The following IRAG1 variants were observed in gnomAD, a reference collection of about 807,000 sequenced individuals.
IRAG1 encodes the protein IP3R-associated cGMP kinase substrate.
IRAG1 carries 62 observed loss-of-function variants against 106.2 expected under a neutral mutation model. The ratio of observed to expected loss-of-function variants is 0.58; its 90% CI spans 0.48 to 0.72. IRAG1 has a LOEUF of 0.72. Ranked by LOEUF, IRAG1 falls within the 30% of genes least tolerant of loss-of-function variation. The pLI is 0.00. For synonymous variants in IRAG1, 462 were observed against 443.9 expected (o/e 1.04, Z -0.51); for missense variants, 1,064 against 1,140.7 (o/e 0.93, Z 0.97).
At chr11:10,653,617 A>C (rs1380048217) in intron 1 of IRAG1, among the ~76,000 whole-genome samples, 1 of 152,064 alleles carries the variant, frequency 6.6e-6, no homozygotes, top group East Asian at 1.9e-4. Flanking sequence ...TTTGCCACTC[A>C]CTGGCTATGT....
intron 15 of IRAG1, chr11:10,599,877 C>A (rs1260392888): frequency 3.3e-5 from 5 of 152,194 alleles, no homozygotes; most frequent in African/African-American, 7.2e-5. Flanking sequence ...ATATTGTCCA[C>A]TGAAGTCAGA....
At chr11:10,599,008 G>A (rs1053557421) in intron 15 of IRAG1, among the ~76,000 whole-genome samples, 23 of 152,146 alleles carry the variant, frequency 1.5e-4, no homozygotes, top group African/African-American at 5.1e-4. Flanking sequence ...GAGTGGTTAC[G>A]GCCACTCTGC....
At chr11:10,584,144 G>A (rs1379568741) in intron 18 of IRAG1, among the ~76,000 whole-genome samples, 11 of 152,204 alleles carry the variant, frequency 7.2e-5, no homozygotes, top group South Asian at 2.1e-4. Flanking sequence ...GAGCAATGTC[G>A]TCATGGAGGA....
chr11:10,641,620 C>A (rs2134766166), intron 2 of IRAG1, among the ~76,000 whole-genome samples: 1 of 152,228 alleles, frequency 6.6e-6, no homozygotes, highest in East Asian at 1.9e-4. Flanking sequence ...CTGTCCCAGA[C>A]CCCCCTCGTG....
intron 5 of IRAG1, 79 bp downstream of exon 5, chr11:10,629,459 C>T (rs775630761): frequency 7.3e-5 from 108 of 1,482,398 alleles, no homozygotes; most frequent in Non-Finnish European, 8.8e-5. Flanking sequence ...GTGAGGCGCC[C>T]ACTGCAGCTG....
intron 1 of IRAG1, among the ~76,000 whole-genome samples, chr11:10,680,155 C>G (rs1030341569): frequency 6.6e-6 from 1 of 151,642 alleles, no homozygotes; most frequent in East Asian, 1.9e-4. Flanking sequence ...TGCCTGTAAT[C>G]CCAGCTACTT....
chr11:10,626,173 G>T lies in IRAG1; in HGVS notation c.1161C>A (p.Pro387=). 1 of 1,544,362 alleles carries T rather than the reference G, an allele frequency of 6.5e-7. No homozygotes were observed. The highest frequency in any genetic ancestry group is 1.2e-5 in the South Asian group (1 of 80,938). The change falls in exon 9 of 21, where the codon CCC becomes CCA. Residue 387 remains proline, a synonymous_variant. Transcript: ENST00000423302. ...KAELPPTVSR[P]PLLRGLSWDS... ...CCCAGGAGAGCCCTCGCAGCAGCGGGGGCCGGGACACAGTGGGTGGAAGCT... is the reference window on the plus strand; with the variant it reads ...CCCAGGAGAGCCCTCGCAGCAGCGGTGGCCGGGACACAGTGGGTGGAAGCT...
chr11:10,653,721 C>T (rs1858707945), intron 1 of IRAG1, among the ~76,000 whole-genome samples: 3 of 152,162 alleles, frequency 2.0e-5, no homozygotes, highest in Non-Finnish European at 4.4e-5. Flanking sequence ...GGATGAAACA[C>T]ACTCAGTTCA....
intron 10 of IRAG1, among the ~76,000 whole-genome samples, chr11:10,610,203 A>G (rs190732173): frequency 1.1e-3 from 161 of 152,300 alleles, no homozygotes; most frequent in African/African-American, 3.8e-3. Context: ...AATGTTTGGG[A>G]AAAAAACCTG....
chr11:10,655,869 T>C (rs945525701), intron 1 of IRAG1, among the ~76,000 whole-genome samples: 5 of 151,996 alleles, frequency 3.3e-5, no homozygotes, highest in South Asian at 2.1e-4. Context: ...TGCCACAACA[T>C]AAAAGTAGAG....
At chr11:10,673,265 C>T (rs934153673) in intron 1 of IRAG1, among the ~76,000 whole-genome samples, 3 of 151,728 alleles carry the variant, frequency 2.0e-5, no homozygotes, top group African/African-American at 4.8e-5. Flanking sequence ...GCCTGGGTGA[C>T]GGAGTGAAAC....
At chr11:10,578,629 A>C (rs1207035080) in intron 20 of IRAG1, among the ~76,000 whole-genome samples, 1 of 152,240 alleles carries the variant, frequency 6.6e-6, no homozygotes, top group Non-Finnish European at 1.5e-5. Flanking sequence ...ATTTCAGGGA[A>C]GAAATCATGT....
At chr11:10,582,100 C>A in intron 18 of IRAG1, 114 bp from the exon 19 acceptor site, 1 of 1,286,032 alleles carries the variant, frequency 7.8e-7, no homozygotes, top group Non-Finnish European at 1.0e-6. Flanking sequence ...CAGGCTTTTT[C>A]AGTAACTTTC....
At chr11:10,638,777 G>A (rs569233509) in intron 2 of IRAG1, among the ~76,000 whole-genome samples, 4 of 152,238 alleles carry the variant, frequency 2.6e-5, no homozygotes, top group Admixed American at 2.0e-4. Flanking sequence ...TATTTAAAGG[G>A]GCAGGATGGG....
chr11:10,608,068 A>G (rs1359149080), intron 11 of IRAG1, among the ~76,000 whole-genome samples: 1 of 152,040 alleles, frequency 6.6e-6, no homozygotes, highest in Non-Finnish European at 1.5e-5. Context: ...TATTTCAATG[A>G]CTCACATTCT....
At chr11:10,688,561 C>G (rs1861832758) in intron 1 of IRAG1, among the ~76,000 whole-genome samples, 1 of 152,108 alleles carries the variant, frequency 6.6e-6, no homozygotes, top group Admixed American at 6.5e-5. Flanking sequence ...ACCCCTAGAG[C>G]CAGGCTGTGT....
Position 10,609,744 on chromosome 11 carries a change from T to G in IRAG1, c.1555A>C (p.Arg519=). ...DVLLRKLRVH[R]SLPGSAPPLT... ...TGATTTTACCTTCCAGGGAGACTCC[T>G]GTGGACCCGCAGTTTGCGCAGCAGC... The change falls in exon 11 of 21, where the codon AGG becomes CGG. Residue 519 remains arginine, a synonymous_variant. Coordinates refer to ENST00000423302, the MANE Select transcript of IRAG1 (RefSeq NM_130385.4). 1 of 1,613,890 alleles carries G rather than the reference T, an allele frequency of 6.2e-7. No individual in the cohort carries two copies. Among genetic ancestry groups the G allele is most frequent in the African/African-American group, 1.3e-5 (1 of 75,058 alleles).
chr11:10,679,781 T>C (rs1860997596), intron 1 of IRAG1, among the ~76,000 whole-genome samples: 1 of 152,258 alleles, frequency 6.6e-6, no homozygotes, highest in Non-Finnish European at 1.5e-5. Context: ...TCAGGAGCTC[T>C]GAAAAGAAAG....
Position 10,605,189 on chromosome 11 carries a change from T to C in IRAG1, c.1603-644A>G, listed in dbSNP as rs542416611. Among the ~76,000 whole-genome samples, 10 of 152,324 alleles carry C rather than the reference T, an allele frequency of 6.6e-5. No individual in the cohort carries two copies. In the East Asian group the frequency reaches 1.9e-3, roughly 29 times the overall value. ...TTGAAAAGATAATATTGGTCATACA[T>C]GGAATTCCCAGAACAGTAGGAAACT... On this transcript the variant is annotated intron_variant, in intron 12 of 20. Transcript: ENST00000423302.
Sources: gnomAD v4.1 joint callset for allele counts (sites outside exome capture counted in the v4.1 genomes callset) on GRCh38, gnomAD v4.1.1 for gene constraint, MANE v1.5 for transcripts, NCBI Gene and HGNC (gene_info 2026-07-23, HGNC 2026-07-21) for gene names.